PARP1: variants seen among roughly 807,000 people sequenced by gnomAD.
PARP1 encodes poly(ADP-ribose) polymerase 1.
Under a neutral mutation model 118.7 loss-of-function variants are expected in PARP1, and 44 were observed. The ratio of observed to expected loss-of-function variants is 0.37; its 90% CI spans 0.29 to 0.48. The LOEUF is 0.48. Among genes scored for constraint, PARP1 ranks in the 20% least tolerant of loss-of-function variants. PARP1 has a pLI of 0.99. For synonymous variants in PARP1, 492 were observed against 483.2 expected (o/e 1.02, Z -0.24); for missense variants, 1,100 against 1,272.4 (o/e 0.86, Z 2.06).
intron 2 of PARP1, among the ~76,000 whole-genome samples, chr1:226,397,575 A>G (rs1378622900): frequency 6.6e-6 from 1 of 152,080 alleles, no homozygotes; most frequent in East Asian, 1.9e-4. Context: ...GATCACCGGG[A>G]CAGATTTCTC....
At position 226,407,901 on chromosome 1, in the gene PARP1, C is replaced by T. The variant is rs746792662; in HGVS notation, c.29G>A (p.Arg10Gln). The T allele has an allele frequency of 2.5e-6, 4 of 1,612,248 alleles. No homozygotes were observed. Among genetic ancestry groups the T allele is most frequent in the Non-Finnish European group, 3.4e-6 (4 of 1,179,128 alleles). The change falls in exon 1 of 23, where the codon CGA becomes CAA. Residue 10 changes from arginine (R) to glutamine (Q), a missense_variant. By Grantham distance (43) the Arg-to-Gln change is conservative. Coordinates refer to ENST00000366794, the MANE Select transcript of PARP1 (RefSeq NM_001618.4). ...GCGCCCGCTCTTGGCGTACTCGACTCGATAGAGCTTATCCGAAGACTCCGC... is the reference window on the plus strand; with the variant it reads ...GCGCCCGCTCTTGGCGTACTCGACTTGATAGAGCTTATCCGAAGACTCCGC... MAESSDKLYRVEYAKSGRAS... is the reference protein window; with the variant it reads MAESSDKLYQVEYAKSGRAS...
chr1:226,391,367 C>A (rs1214755797), intron 3 of PARP1, among the ~76,000 whole-genome samples: 1 of 152,138 alleles, frequency 6.6e-6, no homozygotes, highest in East Asian at 1.9e-4. Context: ...CCAGTCCTGC[C>A]AGCCTGCCCA....
At position 226,390,625 on chromosome 1, in the gene PARP1, C is replaced by G; in HGVS notation, c.403-1G>C. On this transcript the variant is annotated splice_acceptor_variant, in intron 3 of 22. Transcript: ENST00000366794. LOFTEE classifies it high-confidence loss of function. ...TCTTCTTGGACAGGCGCACCTGGCC[C>G]TGCAGGAAAAACCATATGTGGTACC... The G allele has an allele frequency of 6.2e-7, 1 of 1,613,866 alleles. No individual in the cohort carries two copies. Among genetic ancestry groups the G allele is most frequent in the South Asian group, 1.1e-5 (1 of 91,068 alleles).
intron 14 of PARP1, among the ~76,000 whole-genome samples, chr1:226,372,280 C>T (rs997143626): frequency 1.3e-5 from 2 of 152,270 alleles, no homozygotes; most frequent in Admixed American, 6.5e-5. Flanking sequence ...GCTTTCCACA[C>T]ACTTCCAGCT....
chr1:226,380,256 C>G, intron 9 of PARP1, 92 bp from the exon 10 acceptor site: 1 of 1,283,736 alleles, frequency 7.8e-7, no homozygotes, highest in Non-Finnish European at 1.1e-6. Flanking sequence ...TGTGTACTTC[C>G]AAACCCTCAG....
rs144410056 is a variant in PARP1, at chr1:226,404,761, A to G, written c.121-2382T>C. On this transcript the variant is annotated intron_variant, in intron 1 of 22. Coordinates refer to ENST00000366794, the MANE Select transcript of PARP1 (RefSeq NM_001618.4). Reference sequence around the variant, plus strand: ...TAGCTGCACAGCTGAGGCAAGGCACAGAATCTTTGGCTGTGCACCCAAGCA... The same window carrying G: ...TAGCTGCACAGCTGAGGCAAGGCACGGAATCTTTGGCTGTGCACCCAAGCA... 2.2e-3 allele frequency among the ~76,000 whole-genome samples: 341 copies of G among 152,370 alleles called. 1 individual carries two copies. Among genetic ancestry groups the G allele is most frequent in the African/African-American group, 7.6e-3 (315 of 41,600 alleles).
intron 19 of PARP1, 66 bp downstream of exon 19, chr1:226,364,936 A>G: frequency 6.3e-7 from 1 of 1,584,298 alleles, no homozygotes; most frequent in East Asian, 2.2e-5. Context: ...CCTCTTGCTC[A>G]AAGTTCTTTA....
At chr1:226,392,523 A>C in intron 2 of PARP1, 1 of 595,578 alleles carries the variant, frequency 1.7e-6, no homozygotes. Flanking sequence ...CCCTTCTCAG[A>C]CTGAGCTCCT....
At chr1:226,398,601 A>G (rs534883086) in intron 2 of PARP1, among the ~76,000 whole-genome samples, 1 of 152,306 alleles carries the variant, frequency 6.6e-6, no homozygotes, top group Admixed American at 6.5e-5. Flanking sequence ...TGGTAAATAA[A>G]CGTATGAGAA....
At chr1:226,369,865 G>A (rs1015051497) in intron 15 of PARP1, among the ~76,000 whole-genome samples, 3 of 151,824 alleles carry the variant, frequency 2.0e-5, no homozygotes, top group Admixed American at 6.6e-5. Context: ...TCTGAGGCAC[G>A]AGAACCGCTT....
At chr1:226,361,804 A>G (rs770589584) in intron 22 of PARP1, 165 bp downstream of exon 22, 42 of 690,134 alleles carry the variant, frequency 6.1e-5, no homozygotes, top group Admixed American at 2.5e-4. Context: ...CCTGTAAGCC[A>G]GGCTATGCAC....
intron 7 of PARP1, among the ~76,000 whole-genome samples, chr1:226,384,101 A>G (rs938173063): frequency 3.3e-5 from 5 of 152,222 alleles, no homozygotes; most frequent in African/African-American, 1.2e-4. Flanking sequence ...GCTAGCATGC[A>G]CTTGGAGGCA....
At chr1:226,402,098 C>G in intron 2 of PARP1, 116 bp downstream of exon 2, 1 of 1,595,574 alleles carries the variant, frequency 6.3e-7, no homozygotes, top group African/African-American at 1.3e-5. Context: ...TACGCTTGAT[C>G]TGCACATGTG....
chr1:226,392,850 C>T (rs1664846227), intron 2 of PARP1: 6 of 1,368,704 alleles, frequency 4.4e-6, no homozygotes, highest in African/African-American at 1.5e-5. Context: ...ACTGGCTAGC[C>T]ATTTGGGACA....
intron 2 of PARP1, among the ~76,000 whole-genome samples, chr1:226,400,377 T>C (rs927400057): frequency 2.6e-5 from 4 of 151,980 alleles, no homozygotes; most frequent in African/African-American, 7.3e-5. Flanking sequence ...AAAATAAAAC[T>C]GGAGTCACGC....
At chr1:226,403,355 T>C (rs3219023) in intron 1 of PARP1, among the ~76,000 whole-genome samples, 34,250 of 152,076 alleles carry the variant, frequency 0.23, 4,636 homozygotes, top group African/African-American at 0.37. Flanking sequence ...AATTTTTGTA[T>C]TGTTAGTAGC....
intron 15 of PARP1, among the ~76,000 whole-genome samples, 176 bp from the exon 16 acceptor site, chr1:226,368,497 C>T (rs901757865): frequency 6.6e-6 from 1 of 152,224 alleles, no homozygotes; most frequent in Non-Finnish European, 1.5e-5. Context: ...AAGAGCAGGG[C>T]AGGACCCCCA....
chr1:226,385,700 A>C lies in PARP1; in HGVS notation c.835-20T>G. The C allele has an allele frequency of 6.2e-7, 1 of 1,612,206 alleles. No individual in the cohort carries two copies. Among genetic ancestry groups the C allele is most frequent in the Non-Finnish European group, 8.5e-7 (1 of 1,178,284 alleles). The stretch of plus-strand genomic sequence containing the variant: ...CAAGATCTGCAGCCAGTGGAGAAAC[A>C]TGTCAGAGGGCAAATGCGGGACTAC... On this transcript the variant is annotated intron_variant, in intron 6 of 22. Transcript: ENST00000366794.
chr1:226,382,934 A>C (rs1332511730), intron 8 of PARP1, 102 bp downstream of exon 8: 11 of 1,335,714 alleles, frequency 8.2e-6, no homozygotes, highest in Non-Finnish European at 1.1e-5. Flanking sequence ...GCAAAGAGAG[A>C]CCCTTGACGG....
Sources: allele counts gnomAD v4.1 joint callset (sites outside exome capture counted in the v4.1 genomes callset), GRCh38; gene constraint gnomAD v4.1.1; transcripts MANE v1.5; gene names NCBI Gene and HGNC (gene_info 2026-07-23, HGNC 2026-07-21).